GRID2: variants seen among roughly 807,000 people sequenced by gnomAD.
GRID2 encodes the protein glutamate ionotropic receptor delta type subunit 2, also known as glutamate receptor ionotropic, delta-2.
Under a neutral mutation model 114.8 loss-of-function variants are expected in GRID2, and 33 were observed. That is an observed-to-expected ratio of 0.29 (90% CI 0.22 to 0.38). The LOEUF is 0.38. Ranked by LOEUF, GRID2 falls within the 10% of genes least tolerant of loss-of-function variation. The pLI is 1.00. For missense variants in GRID2, 1,184 were observed against 1,257.7 expected, an observed-to-expected ratio of 0.94 and a Z score of 0.89; for synonymous variants, 505 against 449.9, an observed-to-expected ratio of 1.12 and a Z score of -1.55.
intron 4 of GRID2, among the ~76,000 whole-genome samples, chr4:93,202,857 T>G (rs1393702600): frequency 6.6e-6 from 1 of 152,128 alleles, no homozygotes; most frequent in East Asian, 1.9e-4. Context: ...TTTTTCTCCT[T>G]TATTTCCTTT....
intron 2 of GRID2, among the ~76,000 whole-genome samples, chr4:92,668,788 C>T (rs1017070213): frequency 2.0e-5 from 3 of 151,808 alleles, no homozygotes; most frequent in African/African-American, 7.2e-5. Context: ...TTGCTTCCTC[C>T]ACTCTGCTTA....
At chr4:93,074,996 C>A (rs530927498) in intron 2 of GRID2, among the ~76,000 whole-genome samples, 1 of 152,070 alleles carries the variant, frequency 6.6e-6, no homozygotes, top group South Asian at 2.1e-4. Flanking sequence ...ACTGAAACTC[C>A]GGGCCCAGAA....
At chr4:92,571,852 C>T (rs1727640019) in intron 1 of GRID2, among the ~76,000 whole-genome samples, 1 of 152,146 alleles carries the variant, frequency 6.6e-6, no homozygotes, top group African/African-American at 2.4e-5. Flanking sequence ...AAAGACATAA[C>T]ATACCAGAAT....
At chr4:93,335,647 CAT>C (rs1259298959) in intron 8 of GRID2, among the ~76,000 whole-genome samples, 1 of 151,452 alleles carries the variant, frequency 6.6e-6, no homozygotes, top group Non-Finnish European at 1.5e-5. Context: ...AAATTAGCAA[CAT>C]GTGTTTTGCT....
intron 10 of GRID2, among the ~76,000 whole-genome samples, chr4:93,435,548 C>A (rs10516919): frequency 6.6e-6 from 1 of 151,962 alleles, no homozygotes; most frequent in African/African-American, 2.4e-5. Flanking sequence ...TTGCAGAATG[C>A]GGAATCAAAA....
chr4:92,869,144 T>C (rs1174356389), intron 2 of GRID2, among the ~76,000 whole-genome samples: 2 of 152,324 alleles, frequency 1.3e-5, no homozygotes, highest in East Asian at 3.9e-4. Flanking sequence ...ATTTTTCATC[T>C]GACAGATTAA....
intron 2 of GRID2, among the ~76,000 whole-genome samples, chr4:92,685,940 C>A (rs893356426): frequency 6.6e-6 from 1 of 151,972 alleles, no homozygotes; most frequent in Admixed American, 6.6e-5. Context: ...ATTTGAATCA[C>A]ATTTTCTTTA....
chr4:93,250,253 C>A lies in GRID2; in HGVS notation c.1245+11763C>A, dbSNP rs959582296. ...AGCAAACTAACGCAGGAACAGAAAA[C>A]CAAACACTGCATGTTCTCACTCATA... On this transcript the variant is annotated intron_variant, in intron 8 of 15. Coordinates refer to ENST00000282020, the MANE Select transcript of GRID2 (RefSeq NM_001510.4). Among the ~76,000 whole-genome samples the A allele has an allele frequency of 2.6e-5, 4 of 152,030 alleles. No homozygotes were observed. In the East Asian group the frequency reaches 7.7e-4, roughly 29 times the overall value.
At chr4:93,765,281 A>T (rs1374380688) in intron 14 of GRID2, among the ~76,000 whole-genome samples, 1 of 152,040 alleles carries the variant, frequency 6.6e-6, no homozygotes, top group Non-Finnish European at 1.5e-5. Context: ...TTCCCTTCCA[A>T]CACTTGTAGC....
At chr4:92,734,595 T>C (rs1041706243) in intron 2 of GRID2, among the ~76,000 whole-genome samples, 1 of 152,026 alleles carries the variant, frequency 6.6e-6, no homozygotes, top group Non-Finnish European at 1.5e-5. Flanking sequence ...TACTTTTTTT[T>C]ACTTGGTGAA....
intron 2 of GRID2, among the ~76,000 whole-genome samples, chr4:93,075,883 C>CTTTTTTTTTTTTTTTTTTTT (rs10706922): frequency 1.3e-5 from 1 of 76,606 alleles, no homozygotes; most frequent in African/African-American, 5.3e-5. Flanking sequence ...AGTTACCTCT[C>CTTTTTTTTTTTTTTTTTTTT]TTTTTTTTTT....
chr4:92,900,988 C>T (rs1747544419), intron 2 of GRID2, among the ~76,000 whole-genome samples: 1 of 149,668 alleles, frequency 6.7e-6, no homozygotes, highest in African/African-American at 2.5e-5. Context: ...GTTTTAGACA[C>T]TTAGGTTGAT....
intron 14 of GRID2, among the ~76,000 whole-genome samples, chr4:93,630,143 C>T (rs1041685895): frequency 6.6e-6 from 1 of 152,066 alleles, no homozygotes; most frequent in African/African-American, 2.4e-5. Context: ...CCTTTTGTGT[C>T]CTTTCTGCAC....
intron 2 of GRID2, 76 bp downstream of exon 2, chr4:92,590,362 T>G: frequency 9.8e-7 from 1 of 1,016,740 alleles, no homozygotes; most frequent in East Asian, 2.4e-5. Context: ...TGAAACTTAT[T>G]AAACATGGAC....
intron 14 of GRID2, among the ~76,000 whole-genome samples, chr4:93,711,088 G>A (rs1242196049): frequency 6.6e-6 from 1 of 152,180 alleles, no homozygotes; most frequent in African/African-American, 2.4e-5. Context: ...TGGTGCCCAA[G>A]TTGCAAGACA....
intron 2 of GRID2, among the ~76,000 whole-genome samples, chr4:92,740,106 A>AT (rs1177798476): frequency 6.6e-6 from 1 of 152,028 alleles, no homozygotes; most frequent in Non-Finnish European, 1.5e-5. Context: ...TTCCTTTGAG[A>AT]TTTTCTTTTC....
In GRID2 at chr4:93,224,665, C is replaced by G; in HGVS notation, c.1015C>G (p.His339Asp). 6.2e-7 allele frequency: 1 copy of G among 1,611,194 alleles called. No homozygotes were observed. The highest frequency in any genetic ancestry group is 1.7e-5 in the Admixed American group (1 of 59,850). Residue 339 changes from histidine to aspartate, a missense_variant, in exon 7 of 16, where the codon CAT becomes GAT. Transcript: ENST00000282020. ...GGTGCTTCTGCTTGCTAATGCTTTTCATAAGAAGCTGGAGGACCGAAAGTG... is the reference window on the plus strand; with the variant it reads ...GGTGCTTCTGCTTGCTAATGCTTTTGATAAGAAGCTGGAGGACCGAAAGTG... Reference protein sequence around the residue: ...DTVLLLANAFHKKLEDRKWHS... With the variant: ...DTVLLLANAFDKKLEDRKWHS...
chr4:92,312,221 A>G (rs1359863350), intron 1 of GRID2, among the ~76,000 whole-genome samples: 1 of 152,114 alleles, frequency 6.6e-6, no homozygotes, highest in Non-Finnish European at 1.5e-5. Flanking sequence ...GAGGGCACTG[A>G]GGAAGATTCT....
At chr4:92,616,727 G>T (rs941769647) in intron 2 of GRID2, among the ~76,000 whole-genome samples, 2 of 151,446 alleles carry the variant, frequency 1.3e-5, no homozygotes, top group Admixed American at 6.6e-5. Flanking sequence ...CAGGGACATT[G>T]AATTTCTTCC....
Sources: gnomAD v4.1 joint callset for allele counts (sites outside exome capture counted in the v4.1 genomes callset) on GRCh38, gnomAD v4.1.1 for gene constraint, MANE v1.5 for transcripts, NCBI Gene and HGNC (gene_info 2026-07-23, HGNC 2026-07-21) for gene names.